The following NRG1 variants were observed in gnomAD, a reference collection of about 807,000 sequenced individuals.
The protein encoded by NRG1 is neuregulin 1.
Under a neutral mutation model 63.8 loss-of-function variants are expected in NRG1, and 18 were observed. The ratio of observed to expected loss-of-function variants is 0.28; its 90% confidence interval spans 0.19 to 0.42. The LOEUF is 0.42. NRG1 is among the 10% of genes least tolerant of loss of function. NRG1 has a pLI of 1.00. For missense variants in NRG1, 762 were observed against 814.7 expected, an observed-to-expected ratio of 0.94 and a Z score of 0.79; for synonymous variants, 302 against 301.3, an observed-to-expected ratio of 1.00 and a Z score of -0.02.
At chr8:32,513,647 G>T (rs1314550899) in intron 1 of NRG1, among the ~76,000 whole-genome samples, 1 of 152,086 alleles carries the variant, frequency 6.6e-6, no homozygotes, top group African/African-American at 2.4e-5. Flanking sequence ...CCAACCAGAA[G>T]TATCATTGGA....
At chr8:31,978,543 G>A (rs1808567091) in intron 1 of NRG1, among the ~76,000 whole-genome samples, 1 of 152,028 alleles carries the variant, frequency 6.6e-6, no homozygotes, top group African/African-American at 2.4e-5. Flanking sequence ...GATTAATGTT[G>A]CAGCATTAAT....
chr8:32,647,129 G>A, intron 5 of NRG1: 1 of 985,322 alleles, frequency 1.0e-6, no homozygotes, highest in Non-Finnish European at 1.2e-6. Flanking sequence ...TTGCAGTGAT[G>A]CTCCGAGGGC....
At chr8:32,292,399 C>T (rs181581953) in intron 1 of NRG1, among the ~76,000 whole-genome samples, 6 of 152,196 alleles carry the variant, frequency 3.9e-5, no homozygotes, top group Admixed American at 3.9e-4. Flanking sequence ...TGAAGAAAAC[C>T]ATATGTGATA....
intron 1 of NRG1, among the ~76,000 whole-genome samples, chr8:32,592,233 C>CG (rs1563724287): frequency 6.6e-6 from 1 of 151,966 alleles, no homozygotes; most frequent in Non-Finnish European, 1.5e-5. Context: ...CAGATATTGT[C>CG]TAAGAACAAG....
intron 1 of NRG1, among the ~76,000 whole-genome samples, chr8:32,590,715 C>A (rs1032933971): frequency 2.6e-5 from 4 of 152,016 alleles, no homozygotes; most frequent in Non-Finnish European, 5.9e-5. Flanking sequence ...CTGAGAAACA[C>A]GTGTACATTG....
At chr8:32,621,503 C>A (rs1290139621) in intron 5 of NRG1, among the ~76,000 whole-genome samples, 1 of 152,140 alleles carries the variant, frequency 6.6e-6, no homozygotes, top group Non-Finnish European at 1.5e-5. Flanking sequence ...ATTTTGCAGA[C>A]AATTCTGTTG....
intron 1 of NRG1, among the ~76,000 whole-genome samples, chr8:31,709,917 C>A (rs114518043): frequency 0.013 from 1,977 of 151,494 alleles, 51 homozygotes; most frequent in African/African-American, 0.046. Context: ...TATTTTTTCC[C>A]TAACTCCATA....
chr8:31,984,007 G>T (rs1014322746), intron 1 of NRG1, among the ~76,000 whole-genome samples: 1 of 152,032 alleles, frequency 6.6e-6, no homozygotes, highest in Non-Finnish European at 1.5e-5. Context: ...GTCAAAGTGG[G>T]CAGAAGTCAT....
At chr8:32,595,871 T>C in exon 2 of NRG1, 2 of 1,613,606 alleles carry the variant, frequency 1.2e-6, no homozygotes, top group South Asian at 2.2e-5. Context: ...AGGAATCGGC[T>C]GCAGGTTCCA....
chr8:32,246,005 A>G (rs1189249615), intron 1 of NRG1, among the ~76,000 whole-genome samples: 1 of 152,118 alleles, frequency 6.6e-6, no homozygotes, highest in Non-Finnish European at 1.5e-5. Context: ...TGATTTTCCC[A>G]AGAGGGCTTT....
At chr8:32,280,821 A>G (rs1237384433) in intron 1 of NRG1, among the ~76,000 whole-genome samples, 2 of 116,108 alleles carry the variant, frequency 1.7e-5, no homozygotes, top group African/African-American at 6.8e-5. Flanking sequence ...AGTGCATGGT[A>G]TGATCTCGGC....
chr8:32,090,121 T>C lies in NRG1; in HGVS notation c.37+450690T>C, dbSNP rs142461773. Among the ~76,000 whole-genome samples, 371 of 152,306 alleles carry C rather than the reference T, an allele frequency of 2.4e-3. 1 individual carries two copies. The highest frequency in any genetic ancestry group is 8.7e-3 in the African/African-American group (363 of 41,574). ...CCACCTCTTAAAGGTTATAAGATACTGGGCAAGTCATTTCATTTCTTTAAA... is the reference window on the plus strand; with the variant it reads ...CCACCTCTTAAAGGTTATAAGATACCGGGCAAGTCATTTCATTTCTTTAAA... On this transcript the variant is annotated intron_variant, in intron 1 of 10. Transcript: ENST00000519301.
chr8:32,490,754 C>T (rs1826460944), intron 1 of NRG1, among the ~76,000 whole-genome samples: 1 of 152,016 alleles, frequency 6.6e-6, no homozygotes, highest in East Asian at 1.9e-4. Context: ...ACTAAAATTG[C>T]CCATTCACCC....
At chr8:31,697,331 T>C (rs1302340631) in intron 1 of NRG1, among the ~76,000 whole-genome samples, 3 of 152,220 alleles carry the variant, frequency 2.0e-5, no homozygotes, top group Non-Finnish European at 4.4e-5. Flanking sequence ...ACATCTGTTA[T>C]AGGTGTCTGT....
chr8:32,559,692 A>G (rs1835976455), intron 1 of NRG1, among the ~76,000 whole-genome samples: 1 of 152,042 alleles, frequency 6.6e-6, no homozygotes. Flanking sequence ...TGTGATTACT[A>G]GCCACCTGAA....
At chr8:32,291,251 A>G (rs1400839076) in intron 1 of NRG1, among the ~76,000 whole-genome samples, 1 of 152,148 alleles carries the variant, frequency 6.6e-6, no homozygotes, top group Non-Finnish European at 1.5e-5. Flanking sequence ...ATCTAAAGCC[A>G]CCCTCACAGA....
intron 1 of NRG1, among the ~76,000 whole-genome samples, chr8:32,253,433 C>T (rs1263267321): frequency 6.6e-6 from 1 of 152,138 alleles, no homozygotes; most frequent in Non-Finnish European, 1.5e-5. Context: ...GCCTTTTCTG[C>T]ATCTATTGAG....
intron 1 of NRG1, among the ~76,000 whole-genome samples, chr8:31,724,693 G>C (rs1024135138): frequency 6.6e-6 from 1 of 152,018 alleles, no homozygotes; most frequent in Non-Finnish European, 1.5e-5. Context: ...GAAGCTCTTT[G>C]ACAAAATGAA....
chr8:32,309,968 A>T (rs562052454), intron 1 of NRG1, among the ~76,000 whole-genome samples: 2 of 152,336 alleles, frequency 1.3e-5, no homozygotes, highest in African/African-American at 4.8e-5. Context: ...TTTCCAGACA[A>T]ATATTTTCGC....
Sources: allele counts gnomAD v4.1 joint callset (sites outside exome capture counted in the v4.1 genomes callset), GRCh38; gene constraint gnomAD v4.1.1; transcripts MANE v1.5; gene names NCBI Gene and HGNC (gene_info 2026-07-23, HGNC 2026-07-21).